Variants in COL22A1 observed in about 807,000 individuals in gnomAD.
The protein encoded by COL22A1 is collagen type XXII alpha 1 chain, also known as collagen alpha-1(XXII) chain.
In COL22A1, 221 loss-of-function variants were observed where a neutral mutation model predicts 248.9. That is an observed-to-expected ratio of 0.89 (90% CI 0.80 to 0.99). The LOEUF is 0.99. Ranked by LOEUF, COL22A1 falls within the 50% of genes least tolerant of loss-of-function variation. The probability of loss-of-function intolerance (pLI) is 0.00; values close to 1 mark genes in which losing one functional copy is unlikely to be tolerated. For missense variants in COL22A1, 2,240 were observed against 2,179.0 expected, an observed-to-expected ratio of 1.03 and a Z score of -0.56; for synonymous variants, 891 against 793.4, an observed-to-expected ratio of 1.12 and a Z score of -2.07.
At chr8:138,830,108 A>C (rs995536512) in intron 5 of COL22A1, among the ~76,000 whole-genome samples, 6 of 152,226 alleles carry the variant, frequency 3.9e-5, no homozygotes, top group Non-Finnish European at 7.3e-5. Flanking sequence ...TTTTCCACAA[A>C]TAATATAGCA....
In COL22A1 at chr8:138,655,929, G is replaced by A. The variant is rs1240650298; in HGVS notation, c.3301C>T (p.Leu1101=). 6.2e-7 allele frequency: 1 copy of A among 1,612,184 alleles called. No homozygotes were observed. The highest frequency in any genetic ancestry group is 1.7e-5 in the Admixed American group (1 of 59,968). The change falls in exon 45 of 65, where the codon CTG becomes TTG. Residue 1101 remains leucine (L), a synonymous_variant. Coordinates refer to ENST00000303045, the MANE Select transcript of COL22A1 (RefSeq NM_152888.3). Reference sequence around the variant, plus strand: ...AAGAGATTTATGTCCCCTGGAGACAGTAGTGAAGAGAGGCCCTGTCAAAAT... The same window carrying A: ...AAGAGATTTATGTCCCCTGGAGACAATAGTGAAGAGAGGCCCTGTCAAAAT... ...PPGKPGLSSL[L]SPGDINLLAK...
At chr8:138,808,334 T>C (rs1440992226) in intron 9 of COL22A1, among the ~76,000 whole-genome samples, 1 of 152,190 alleles carries the variant, frequency 6.6e-6, no homozygotes, top group Non-Finnish European at 1.5e-5. Flanking sequence ...ATATATGCAA[T>C]TATATAGTTT....
intron 40 of COL22A1, among the ~76,000 whole-genome samples, chr8:138,677,737 C>A (rs1825677496): frequency 6.6e-6 from 1 of 152,172 alleles, no homozygotes; most frequent in African/African-American, 2.4e-5. Flanking sequence ...TATTACCTTT[C>A]CAAAATCGAA....
chr8:138,673,534 CTTCT>C (rs1274662611), intron 41 of COL22A1, among the ~76,000 whole-genome samples: 3 of 152,112 alleles, frequency 2.0e-5, no homozygotes, highest in African/African-American at 7.2e-5. Flanking sequence ...CTTAATGTGC[CTTCT>C]TTGAGGGATC....
intron 16 of COL22A1, among the ~76,000 whole-genome samples, chr8:138,765,379 A>G (rs750076184): frequency 1.2e-4 from 18 of 152,186 alleles, no homozygotes; most frequent in Non-Finnish European, 4.4e-5. Flanking sequence ...CACCTTGTCC[A>G]AAGGCACATA....
intron 3 of COL22A1, among the ~76,000 whole-genome samples, chr8:138,868,061 C>A (rs748999400): frequency 4.6e-5 from 7 of 152,182 alleles, no homozygotes; most frequent in Non-Finnish European, 8.8e-5. Context: ...CCGCACCCGG[C>A]CTATTGTCTT....
chr8:138,749,825 C>T (rs1004814063), intron 22 of COL22A1, among the ~76,000 whole-genome samples: 11 of 152,152 alleles, frequency 7.2e-5, no homozygotes, highest in African/African-American at 2.7e-4. Flanking sequence ...GACTGCCTCA[C>T]TTGACTGACA....
At position 138,821,367 on chromosome 8, in the gene COL22A1, G is replaced by C; in HGVS notation, c.1014C>G (p.Asn338Lys). ...CAGCATCTTTCATGGCACCCACAGC[G>C]TTGTACTCGACTGCCTTGTTTTCAC... ...LDGENKAVEY[N>K]AVGAMKDAVR... Residue 338 changes from asparagine to lysine, a missense_variant, in exon 7 of 65, where the codon AAC (asparagine) becomes AAG (lysine). By Grantham distance (94) the Asn-to-Lys change is moderately conservative. Transcript: ENST00000303045. 1.9e-6 allele frequency: 3 copies of C among 1,614,076 alleles called. No homozygotes were observed. The highest frequency in any genetic ancestry group is 2.5e-6 in the Non-Finnish European group (3 of 1,179,996).
chr8:138,725,956 A>T (rs1444809973), intron 23 of COL22A1, among the ~76,000 whole-genome samples: 3 of 152,160 alleles, frequency 2.0e-5, no homozygotes, highest in Non-Finnish European at 4.4e-5. Context: ...TGGGTCTCGC[A>T]TCTGTACTTG....
At chr8:138,721,076 A>C (rs1829834863) in intron 26 of COL22A1, among the ~76,000 whole-genome samples, 1 of 152,328 alleles carries the variant, frequency 6.6e-6, no homozygotes, top group Admixed American at 6.5e-5. Flanking sequence ...ATGTTGCATA[A>C]GTGTTTCTAA....
At chr8:138,793,169 C>A (rs1392240743) in intron 12 of COL22A1, among the ~76,000 whole-genome samples, 1 of 152,184 alleles carries the variant, frequency 6.6e-6, no homozygotes, top group Non-Finnish European at 1.5e-5. Context: ...CTACCCAATA[C>A]CCTCAAACTC....
At position 138,688,928 on chromosome 8, in the gene COL22A1, G is replaced by C; in HGVS notation, c.2851C>G (p.Arg951Gly). 1 of 1,612,732 alleles carries C rather than the reference G, an allele frequency of 6.2e-7. No individual in the cohort carries two copies. Among genetic ancestry groups the C allele is most frequent in the Non-Finnish European group, 8.5e-7 (1 of 1,178,916 alleles). The change falls in exon 37 of 65, where the codon CGT becomes GGT. Residue 951 changes from arginine to glycine, a missense_variant. Physicochemically the swap from Arg to Gly is moderately radical, Grantham distance 125 (BLOSUM62 -2). Transcript: ENST00000303045. Reference protein sequence around the residue: ...LRGTPGKDGERGEKGAAGEEG... With the variant: ...LRGTPGKDGEGGEKGAAGEEG... The stretch of plus-strand genomic sequence containing the variant: ...CATATTGGTCTTACCTTCTCACCAC[G>C]CTCCCCATCTTTCCCTGGGGTGCCT...
intron 4 of COL22A1, among the ~76,000 whole-genome samples, chr8:138,840,926 G>A (rs1054198790): frequency 1.3e-5 from 2 of 152,178 alleles, no homozygotes; most frequent in African/African-American, 2.4e-5. Flanking sequence ...TTATTCTTAA[G>A]TAGAAAATAA....
intron 50 of COL22A1, among the ~76,000 whole-genome samples, chr8:138,628,853 C>G (rs1246590087): frequency 6.6e-6 from 1 of 150,448 alleles, no homozygotes; most frequent in African/African-American, 2.5e-5. Context: ...GCAATCTCCA[C>G]CTCCCTGGTT....
chr8:138,780,780 T>C, intron 13 of COL22A1, 147 bp downstream of exon 13: 1 of 721,232 alleles, frequency 1.4e-6, no homozygotes, highest in Non-Finnish European at 2.5e-6. Flanking sequence ...GCTGAGCTCC[T>C]GGTATCTGCG....
At chr8:138,841,314 G>T (rs1034351974) in intron 4 of COL22A1, among the ~76,000 whole-genome samples, 2 of 152,216 alleles carry the variant, frequency 1.3e-5, no homozygotes, top group Non-Finnish European at 2.9e-5. Flanking sequence ...TCATATGCTT[G>T]CTGGGGAGGT....
intron 9 of COL22A1, among the ~76,000 whole-genome samples, chr8:138,810,541 C>G (rs1818124540): frequency 6.6e-6 from 1 of 152,194 alleles, no homozygotes; most frequent in African/African-American, 2.4e-5. Flanking sequence ...TACACAGGCC[C>G]CAGGCTGAAG....
intron 1 of COL22A1, among the ~76,000 whole-genome samples, chr8:138,887,559 T>G (rs878960400): frequency 6.6e-6 from 1 of 152,220 alleles, no homozygotes; most frequent in African/African-American, 2.4e-5. Context: ...TCTGGCCTAT[T>G]AAAAATTCCT....
Position 138,589,426 on chromosome 8 carries a change from G to T in COL22A1, c.4708C>A (p.Pro1570Thr), listed in dbSNP as rs146712669. Residue 1570 changes from proline to threonine, a missense_variant, in exon 65 of 65, where the codon CCT (proline) becomes ACT (threonine). Physicochemically the swap from Pro to Thr is conservative, Grantham distance 38. Coordinates refer to ENST00000303045, the MANE Select transcript of COL22A1 (RefSeq NM_152888.3). The stretch of plus-strand genomic sequence containing the variant: ...GGAAGTCCATCTTTAGCATAGCCAG[G>T]TTCCCCGGGTTGACCTGGCCCAAGG... ...PPGIPGQPGE[P>T]GYAKDGLPGI... 1.5e-4 allele frequency: 227 copies of T among 1,561,342 alleles called. 1 individual carries two copies. In the African/African-American group the frequency reaches 2.2e-3, roughly 15 times the overall value.
Sources: allele counts gnomAD v4.1 joint callset (sites outside exome capture counted in the v4.1 genomes callset), GRCh38; gene constraint gnomAD v4.1.1; transcripts MANE v1.5; gene names NCBI Gene and HGNC (gene_info 2026-07-23, HGNC 2026-07-21).